C8orf34: variants seen among roughly 807,000 people sequenced by gnomAD.
C8orf34 encodes the protein chromosome 8 open reading frame 34.
C8orf34 carries 65 observed loss-of-function variants against 68.3 expected under a neutral mutation model. The observed-to-expected ratio is 0.95, with a 90% CI of 0.78 to 1.17. C8orf34 has a LOEUF of 1.17. C8orf34 is among the 50% of genes most tolerant of loss of function. The pLI, the probability that C8orf34 is intolerant of heterozygous loss-of-function variation, is 0.00. For synonymous variants in C8orf34, 244 were observed against 241.2 expected, an observed-to-expected ratio of 1.01 and a Z score of -0.11; for missense variants, 664 against 655.4, an observed-to-expected ratio of 1.01 and a Z score of -0.14.
At chr8:68,554,751 G>A (rs1215194569) in intron 7 of C8orf34, among the ~76,000 whole-genome samples, 1 of 152,000 alleles carries the variant, frequency 6.6e-6, no homozygotes, top group Non-Finnish European at 1.5e-5. Context: ...TTAATGACTT[G>A]GACAAAGGCA....
intron 1 of C8orf34, among the ~76,000 whole-genome samples, chr8:68,413,537 T>A (rs117909957): frequency 6.6e-6 from 1 of 152,338 alleles, no homozygotes; most frequent in East Asian, 1.9e-4. Flanking sequence ...CTTCTTATCA[T>A]GCCCAAATTG....
In C8orf34 at chr8:68,762,197, C is replaced by T. The variant is rs80186127; in HGVS notation, c.1405-14202C>T. On this transcript the variant is annotated intron_variant, in intron 10 of 13. Transcript: ENST00000518698. ...TTGATTAGCTCGATTTGTGTCATCT[C>T]GGAGCTTCAAAGAGTATCCTACCAG... Among the ~76,000 whole-genome samples, 1,172 of 152,186 alleles carry T rather than the reference C, an allele frequency of 7.7e-3. 19 individuals carry two copies. The highest frequency in any genetic ancestry group is 0.027 in the African/African-American group (1,107 of 41,504).
intron 12 of C8orf34, among the ~76,000 whole-genome samples, chr8:68,803,498 T>A: frequency 6.6e-6 from 1 of 150,504 alleles, no homozygotes. Context: ...TTTCTTAATC[T>A]AAAAAAAAAG....
At chr8:68,714,383 G>A (rs1328299839) in intron 9 of C8orf34, among the ~76,000 whole-genome samples, 4 of 152,034 alleles carry the variant, frequency 2.6e-5, no homozygotes, top group Non-Finnish European at 5.9e-5. Context: ...AAACTCTAAA[G>A]ACTCATCCAA....
intron 8 of C8orf34, among the ~76,000 whole-genome samples, chr8:68,658,185 T>G (rs1294915859): frequency 1.3e-5 from 2 of 152,180 alleles, no homozygotes; most frequent in Non-Finnish European, 2.9e-5. Flanking sequence ...GACCTATATT[T>G]TTATTACAAT....
At chr8:68,493,294 TACTC>T (rs34776334) in intron 5 of C8orf34, among the ~76,000 whole-genome samples, 48,931 of 151,668 alleles carry the variant, frequency 0.32, 8,336 homozygotes, top group Middle Eastern at 0.38. Context: ...AAAAACTAAT[TACTC>T]AATTAAAAAT....
chr8:68,769,437 T>C (rs938602679), intron 10 of C8orf34, among the ~76,000 whole-genome samples: 1 of 152,062 alleles, frequency 6.6e-6, no homozygotes, highest in African/African-American at 2.4e-5. Context: ...AATCTTTTCA[T>C]ATTTTAGTAT....
intron 10 of C8orf34, among the ~76,000 whole-genome samples, chr8:68,756,134 T>A (rs1323725200): frequency 6.6e-6 from 1 of 151,408 alleles, no homozygotes; most frequent in Non-Finnish European, 1.5e-5. Flanking sequence ...ACAGTGCATA[T>A]GAGAGCCGCC....
At chr8:68,507,685 T>C (rs1057098965) in intron 5 of C8orf34, among the ~76,000 whole-genome samples, 14 of 152,208 alleles carry the variant, frequency 9.2e-5, no homozygotes, top group African/African-American at 2.2e-4. Context: ...CTTCCTCAGC[T>C]TACTTACTTA....
Position 68,459,211 on chromosome 8 carries a change from A to G in C8orf34, c.608-9481A>G, listed in dbSNP as rs150520967. ...CAAGGATGCAGAGAAAAGGGAACTC[A>G]GGGAACTCTTTCATTTTCTTTTTTT... On this transcript the variant is annotated intron_variant, in intron 3 of 13. Coordinates refer to ENST00000518698, the MANE Select transcript of C8orf34 (RefSeq NM_052958.4). 2.1e-3 allele frequency among the ~76,000 whole-genome samples: 326 copies of G among 152,216 alleles called. 1 individual carries two copies. The highest frequency in any genetic ancestry group is 7.1e-3 in the African/African-American group (293 of 41,534).
intron 1 of C8orf34, among the ~76,000 whole-genome samples, chr8:68,332,423 C>G (rs1454820367): frequency 1.4e-5 from 2 of 143,336 alleles, no homozygotes; most frequent in Admixed American, 1.5e-4. Flanking sequence ...TGTAGCTGTT[C>G]TTAACAGCTT....
At chr8:68,626,157 T>C (rs920267584) in intron 7 of C8orf34, among the ~76,000 whole-genome samples, 5 of 151,908 alleles carry the variant, frequency 3.3e-5, no homozygotes, top group Non-Finnish European at 5.9e-5. Flanking sequence ...TGGAGGAAAA[T>C]TGAAGCAAAA....
intron 1 of C8orf34, among the ~76,000 whole-genome samples, chr8:68,430,173 A>G (rs4737257): frequency 0.059 from 9,019 of 151,904 alleles, 522 homozygotes; most frequent in African/African-American, 0.15. Flanking sequence ...ACCTCCATTA[A>G]AAAATAAAAA....
chr8:68,574,484 A>T (rs541651370), intron 7 of C8orf34, among the ~76,000 whole-genome samples: 101 of 152,184 alleles, frequency 6.6e-4, no homozygotes, highest in African/African-American at 2.1e-3. Context: ...AAAATTTAGC[A>T]TATAGAAAAG....
intron 12 of C8orf34, among the ~76,000 whole-genome samples, chr8:68,795,170 C>T (rs990416859): frequency 6.6e-6 from 1 of 152,094 alleles, no homozygotes; most frequent in Non-Finnish European, 1.5e-5. Context: ...CTCTTTACTG[C>T]TGGTCTCCAT....
At chr8:68,739,620 G>C (rs1351889213) in intron 10 of C8orf34, among the ~76,000 whole-genome samples, 1 of 152,068 alleles carries the variant, frequency 6.6e-6, no homozygotes, top group African/African-American at 2.4e-5. Flanking sequence ...AACACCCCAA[G>C]CTCATAGATA....
intron 8 of C8orf34, among the ~76,000 whole-genome samples, chr8:68,707,982 A>T (rs1821219293): frequency 6.6e-6 from 1 of 152,200 alleles, no homozygotes; most frequent in South Asian, 2.1e-4. Context: ...GAATATTTGA[A>T]AAATATGTAG....
rs935181361 is a variant in C8orf34 at position 68,439,527 on chromosome 8, C to T, written c.356C>T (p.Thr119Ile). Residue 119 changes from threonine (T) to isoleucine (I), a missense_variant, in exon 2 of 14, where the codon ACA becomes ATA. Coordinates refer to ENST00000518698, the MANE Select transcript of C8orf34 (RefSeq NM_052958.4). ...EELMTKLITE[T>I]PDQPIPFLID... The stretch of plus-strand genomic sequence containing the variant: ...TTAATGACCAAGTTAATAACTGAGA[C>T]ACCTGACCAGCCAATCCCATTTCTC... 2 of 1,613,556 alleles carry T rather than the reference C, an allele frequency of 1.2e-6. No individual in the cohort carries two copies. The highest frequency in any genetic ancestry group is 2.7e-5 in the African/African-American group (2 of 74,900).
intron 1 of C8orf34, among the ~76,000 whole-genome samples, chr8:68,409,755 C>T (rs1387543355): frequency 1.3e-5 from 2 of 152,204 alleles, no homozygotes; most frequent in African/African-American, 4.8e-5. Context: ...CACTCACTCA[C>T]TGACTCACCC....
Sources: gnomAD v4.1 joint callset for allele counts (sites outside exome capture counted in the v4.1 genomes callset) on GRCh38, gnomAD v4.1.1 for gene constraint, MANE v1.5 for transcripts, NCBI Gene and HGNC (gene_info 2026-07-23, HGNC 2026-07-21) for gene names.